Variants in PPP3R1 observed in about 807,000 individuals in gnomAD.
PPP3R1 encodes protein phosphatase 3 regulatory subunit B, alpha.
A neutral mutation model predicts 22.6 loss-of-function variants in PPP3R1; 5 were observed. The observed-to-expected ratio is 0.22, with a 90% confidence interval of 0.12 to 0.46. PPP3R1 has a LOEUF of 0.46. PPP3R1 is among the 20% of genes least tolerant of loss of function. The pLI is 0.99. For missense variants in PPP3R1, 61 were observed against 203.2 expected, an observed-to-expected ratio of 0.30 and a Z score of 4.25; for synonymous variants, 56 against 65.2, an observed-to-expected ratio of 0.86 and a Z score of 0.68.
At chr2:68,190,254 TTAAAAAAAAAAAAAAA>T (rs1354277660) in intron 2 of PPP3R1, among the ~76,000 whole-genome samples, 8 of 85,506 alleles carry the variant, frequency 9.4e-5, no homozygotes, top group Admixed American at 4.0e-4. Flanking sequence ...CAAGTTTCTC[TTAAAAAAAAAAAAAAA>T]AAAAAAAAAA....
intron 2 of PPP3R1, 53 bp downstream of exon 2, chr2:68,217,039 C>CACACACACACACACACACACACGCAG (rs374427852): frequency 9.5e-7 from 1 of 1,052,614 alleles, no homozygotes; most frequent in African/African-American, 1.7e-5. Context: ...CACACACACA[C>CACACACACACACACACACACACGCAG]AGAGAGAGAT....
chr2:68,182,657 T>TA (rs34758901), intron 5 of PPP3R1, among the ~76,000 whole-genome samples: 134 of 123,794 alleles, frequency 1.1e-3, no homozygotes, highest in East Asian at 2.1e-3. Context: ...CTCTAATACT[T>TA]AAAAAAAAAA....
At chr2:68,237,953 T>C (rs13013416) in intron 1 of PPP3R1, among the ~76,000 whole-genome samples, 32,561 of 152,174 alleles carry the variant, frequency 0.21, 3,722 homozygotes, top group Non-Finnish European at 0.25. Flanking sequence ...TGTTTACTTA[T>C]TGAAAGTAAC....
chr2:68,206,169 A>G (rs552323589), intron 2 of PPP3R1, among the ~76,000 whole-genome samples: 5 of 152,290 alleles, frequency 3.3e-5, no homozygotes, highest in South Asian at 4.1e-4. Flanking sequence ...TTCCAGGTAC[A>G]TGCAGGATCA....
At chr2:68,242,927 T>A (rs896042528) in intron 1 of PPP3R1, among the ~76,000 whole-genome samples, 3 of 152,188 alleles carry the variant, frequency 2.0e-5, no homozygotes, top group Admixed American at 1.3e-4. Context: ...TTAAAATGCA[T>A]ACCTAATTCT....
At chr2:68,189,600 G>C (rs539516437) in intron 2 of PPP3R1, among the ~76,000 whole-genome samples, 1 of 152,244 alleles carries the variant, frequency 6.6e-6, no homozygotes, top group South Asian at 2.1e-4. Context: ...AGGCGCAATG[G>C]CTCACGCTTG....
rs538367991 is a variant in PPP3R1 at position 68,247,682 on chromosome 2, G to A, written c.3+4443C>T. On this transcript the variant is annotated intron_variant, in intron 1 of 5. Coordinates refer to ENST00000234310, the MANE Select transcript of PPP3R1 (RefSeq NM_000945.4). ...CCTAAAACCTAACCTTAACCAAGTA[G>A]GTGCTCAACAAATATTTGCTGGGTG... Among the ~76,000 whole-genome samples, 57 of 152,298 alleles carry A rather than the reference G, an allele frequency of 3.7e-4. 1 individual carries two copies. The highest frequency in any genetic ancestry group is 1.3e-3 in the African/African-American group (56 of 41,558).
At chr2:68,233,176 CAA>C (rs1669952144) in intron 1 of PPP3R1, among the ~76,000 whole-genome samples, 1 of 152,150 alleles carries the variant, frequency 6.6e-6, no homozygotes, top group African/African-American at 2.4e-5. Context: ...AAATTAAATG[CAA>C]AGAGATGTTT....
At chr2:68,181,658 A>G (rs986042832) in intron 5 of PPP3R1, among the ~76,000 whole-genome samples, 5 of 151,342 alleles carry the variant, frequency 3.3e-5, no homozygotes, top group African/African-American at 1.2e-4. Flanking sequence ...AGACAGACAT[A>G]AACAGGCTAT....
At chr2:68,228,329 G>A (rs1669825989) in intron 1 of PPP3R1, among the ~76,000 whole-genome samples, 1 of 152,142 alleles carries the variant, frequency 6.6e-6, no homozygotes, top group Admixed American at 6.5e-5. Flanking sequence ...ACATGAGGAT[G>A]TTGGTCCATA....
At chr2:68,184,522 A>G (rs1674493336) in intron 5 of PPP3R1, among the ~76,000 whole-genome samples, 1 of 152,200 alleles carries the variant, frequency 6.6e-6, no homozygotes, top group African/African-American at 2.4e-5. Context: ...TCAATACACC[A>G]ACTTTAAGCC....
intron 2 of PPP3R1, among the ~76,000 whole-genome samples, chr2:68,216,443 T>C (rs1468499765): frequency 6.6e-6 from 1 of 151,936 alleles, no homozygotes; most frequent in East Asian, 1.9e-4. Context: ...AACTTAGTGA[T>C]TCTATTTGTT....
At chr2:68,191,672 G>C (rs991342081) in intron 2 of PPP3R1, among the ~76,000 whole-genome samples, 1 of 152,146 alleles carries the variant, frequency 6.6e-6, no homozygotes, top group Non-Finnish European at 1.5e-5. Context: ...TGTATATGTG[G>C]TCAGCCACTG....
intron 2 of PPP3R1, among the ~76,000 whole-genome samples, chr2:68,194,273 T>C (rs746480935): frequency 1.6e-4 from 25 of 152,146 alleles, no homozygotes; most frequent in Non-Finnish European, 2.9e-4. Context: ...AAACAGACTG[T>C]TGAGACTTAA....
chr2:68,216,107 T>C (rs555049580), intron 2 of PPP3R1, among the ~76,000 whole-genome samples: 5 of 152,216 alleles, frequency 3.3e-5, no homozygotes, highest in African/African-American at 7.2e-5. Flanking sequence ...AAAATGAACA[T>C]GCCCTTTATA....
At chr2:68,193,773 C>G (rs1674714290) in intron 2 of PPP3R1, among the ~76,000 whole-genome samples, 1 of 152,092 alleles carries the variant, frequency 6.6e-6, no homozygotes, top group Non-Finnish European at 1.5e-5. Context: ...GAACAGATCT[C>G]TAAAGCAGAT....
intron 1 of PPP3R1, among the ~76,000 whole-genome samples, chr2:68,228,721 G>A (rs1669831563): frequency 6.6e-6 from 1 of 151,718 alleles, no homozygotes; most frequent in Non-Finnish European, 1.5e-5. Context: ...CTTGAAGTGG[G>A]AGCTTAGATT....
At chr2:68,196,848 C>G (rs977613764) in intron 2 of PPP3R1, among the ~76,000 whole-genome samples, 7 of 152,024 alleles carry the variant, frequency 4.6e-5, no homozygotes, top group Non-Finnish European at 1.0e-4. Flanking sequence ...CCTCAGCCTC[C>G]GGGGTAGCTG....
chr2:68,202,427 G>A (rs1167386960), intron 2 of PPP3R1, among the ~76,000 whole-genome samples: 23 of 145,428 alleles, frequency 1.6e-4, no homozygotes, highest in Non-Finnish European at 2.3e-4. Context: ...TGTTGTTGTT[G>A]TTGTTGTTGT....
Sources: allele counts gnomAD v4.1 joint callset (sites outside exome capture counted in the v4.1 genomes callset), GRCh38; gene constraint gnomAD v4.1.1; transcripts MANE v1.5; gene names NCBI Gene and HGNC (gene_info 2026-07-23, HGNC 2026-07-21).